CLASP2: variants seen among roughly 807,000 people sequenced by gnomAD.
The protein encoded by CLASP2 is CLIP-associating protein 2.
CLASP2 carries 47 observed loss-of-function variants against 194.4 expected under a neutral mutation model. That is an observed-to-expected ratio of 0.24 (90% CI 0.19 to 0.31). The LOEUF (loss-of-function observed/expected upper bound fraction) is 0.31, where lower values mean the gene tolerates loss of function less well. Ranked by LOEUF, CLASP2 falls within the 10% of genes least tolerant of loss-of-function variation. The pLI is 1.00. For missense variants in CLASP2, 1,445 were observed against 1,823.6 expected (o/e 0.79, Z 3.78); for synonymous variants, 619 against 633.5 (o/e 0.98, Z 0.34).
chr3:33,516,424 T>C (rs981858904), intron 35 of CLASP2, among the ~76,000 whole-genome samples: 1 of 152,192 alleles, frequency 6.6e-6, no homozygotes, highest in Non-Finnish European at 1.5e-5. Flanking sequence ...TCCCAGCTCT[T>C]TGGAAGGCTG....
At chr3:33,714,159 C>T (rs2093174555) in intron 1 of CLASP2, among the ~76,000 whole-genome samples, 1 of 152,180 alleles carries the variant, frequency 6.6e-6, no homozygotes, top group Non-Finnish European at 1.5e-5. Flanking sequence ...GCCTGGTACT[C>T]ACTAAGGACT....
intron 27 of CLASP2, 34 bp from the exon 28 acceptor site, chr3:33,561,005 A>C (rs928470823): frequency 6.3e-7 from 1 of 1,586,762 alleles, no homozygotes; most frequent in Non-Finnish European, 8.6e-7. Flanking sequence ...TAGGGAGAAA[A>C]AAAGAGGAAA....
chr3:33,654,032 C>CA (rs11456253), intron 7 of CLASP2, among the ~76,000 whole-genome samples: 13,448 of 118,592 alleles, frequency 0.11, 777 homozygotes, highest in Non-Finnish European at 0.16. Flanking sequence ...TCTGAACTGT[C>CA]AAAAAAAAAA....
intron 12 of CLASP2, among the ~76,000 whole-genome samples, chr3:33,618,624 G>T (rs2076608262): frequency 6.6e-6 from 1 of 152,068 alleles, no homozygotes; most frequent in South Asian, 2.1e-4. Context: ...TCCTGCCTGG[G>T]TGACAGAGTG....
intron 32 of CLASP2, among the ~76,000 whole-genome samples, chr3:33,539,585 T>C (rs1306887701): frequency 6.6e-6 from 1 of 152,152 alleles, no homozygotes; most frequent in Non-Finnish European, 1.5e-5. Flanking sequence ...TCCGCCCACC[T>C]CGGCCTCCCA....
intron 8 of CLASP2, among the ~76,000 whole-genome samples, chr3:33,642,378 C>CA (rs200049373): frequency 0.025 from 3,752 of 151,726 alleles, 70 homozygotes; most frequent in Non-Finnish European, 0.041. Context: ...ATATAAGTTA[C>CA]AAAAAAACTA....
chr3:33,714,447 C>A (rs1053366231), intron 1 of CLASP2, among the ~76,000 whole-genome samples: 1 of 152,146 alleles, frequency 6.6e-6, no homozygotes, highest in African/African-American at 2.4e-5. Context: ...CATCCGTCAC[C>A]CAATTTATTT....
intron 1 of CLASP2, among the ~76,000 whole-genome samples, chr3:33,704,767 CAT>C (rs145119483): frequency 1.2e-4 from 18 of 149,548 alleles, no homozygotes; most frequent in South Asian, 2.1e-4. Context: ...TATATATATA[CAT>C]ATATATATAT....
At position 33,604,190 on chromosome 3, in the gene CLASP2, A is replaced by G; in HGVS notation, c.1714T>C (p.Trp572Arg). 1 of 1,560,420 alleles carries G rather than the reference A, an allele frequency of 6.4e-7. No individual in the cohort carries two copies. Among genetic ancestry groups the G allele is most frequent in the Non-Finnish European group, 8.7e-7 (1 of 1,151,012 alleles). The stretch of plus-strand genomic sequence containing the variant: ...ACAGTTGATGGATTTGCTGTAGACC[A>G]TTTGGAAGAAAAAGGGCGACTGCAA... ...ESLNRPFSSK[W>R]STANPSTVAG... Residue 572 changes from tryptophan (W) to arginine (R), a missense_variant, in exon 17 of 39, where the codon TGG (tryptophan) becomes CGG (arginine). Transcript: ENST00000682230.
chr3:33,511,039 T>TC (rs2049602576), intron 36 of CLASP2, among the ~76,000 whole-genome samples: 1 of 150,060 alleles, frequency 6.7e-6, no homozygotes, highest in East Asian at 2.0e-4. Flanking sequence ...TATTTTTTTT[T>TC]TTTTTTTTTT....
At chr3:33,565,016 G>A (rs1281437250) in intron 27 of CLASP2, among the ~76,000 whole-genome samples, 1 of 152,036 alleles carries the variant, frequency 6.6e-6, no homozygotes, top group African/African-American at 2.4e-5. Context: ...CTTACACGTG[G>A]ATTTTCTTCC....
intron 26 of CLASP2, among the ~76,000 whole-genome samples, chr3:33,568,270 T>C (rs1277111882): frequency 2.0e-5 from 3 of 151,992 alleles, no homozygotes; most frequent in Admixed American, 1.3e-4. Flanking sequence ...TATAACCACA[T>C]GGTCAGGCAT....
At chr3:33,619,499 T>G (rs764233535) in intron 12 of CLASP2, 104 bp downstream of exon 12, 43 of 973,794 alleles carry the variant, frequency 4.4e-5, no homozygotes, top group Non-Finnish European at 5.6e-5. Context: ...ATGACTTACA[T>G]TGAGAGAGAG....
intron 6 of CLASP2, among the ~76,000 whole-genome samples, chr3:33,677,561 G>C (rs1457198000): frequency 1.8e-5 from 2 of 112,544 alleles, no homozygotes; most frequent in East Asian, 3.2e-4. Flanking sequence ...TTGTGGGGTG[G>C]GGGGAGGGGG....
At chr3:33,603,616 T>A (rs919278899) in intron 17 of CLASP2, among the ~76,000 whole-genome samples, 1 of 152,180 alleles carries the variant, frequency 6.6e-6, no homozygotes, top group Admixed American at 6.5e-5. Context: ...TTCAGTTTTT[T>A]ATTTTTATTT....
At chr3:33,701,008 A>T (rs144441789) in intron 1 of CLASP2, among the ~76,000 whole-genome samples, 35 of 152,338 alleles carry the variant, frequency 2.3e-4, no homozygotes, top group East Asian at 1.5e-3. Flanking sequence ...GAAATCACAA[A>T]ATGCTAATGA....
intron 18 of CLASP2, 113 bp downstream of exon 18, chr3:33,602,839 A>G (rs1320030671): frequency 1.5e-5 from 16 of 1,097,564 alleles, no homozygotes; most frequent in Admixed American, 2.0e-5. Flanking sequence ...ATTAAAACAT[A>G]TGGACTATCC....
intron 4 of CLASP2, 138 bp downstream of exon 4, chr3:33,688,139 T>C (rs2154346885): frequency 5.1e-6 from 3 of 584,226 alleles, no homozygotes; most frequent in Non-Finnish European, 2.9e-6. Context: ...AAATGAACAG[T>C]AAAGGTATCA....
intron 36 of CLASP2, among the ~76,000 whole-genome samples, chr3:33,513,883 C>A (rs548535740): frequency 6.6e-6 from 1 of 152,242 alleles, no homozygotes; most frequent in Non-Finnish European, 1.5e-5. Context: ...GATATTAGTA[C>A]CTTATGAGAT....
Sources: allele counts gnomAD v4.1 joint callset (sites outside exome capture counted in the v4.1 genomes callset), GRCh38; gene constraint gnomAD v4.1.1; transcripts MANE v1.5; gene names NCBI Gene and HGNC (gene_info 2026-07-23, HGNC 2026-07-21).